Variants in DDX60L observed in about 807,000 individuals in gnomAD.
The protein encoded by DDX60L is probable ATP-dependent RNA helicase DDX60-like.
Under a neutral mutation model 211.6 loss-of-function variants are expected in DDX60L, and 191 were observed. The observed-to-expected ratio is 0.90, with a 90% CI of 0.80 to 1.02. The LOEUF is 1.02. Ranked by LOEUF, DDX60L falls within the 50% of genes least tolerant of loss-of-function variation. The probability of loss-of-function intolerance (pLI) is 0.00; values close to 1 mark genes in which losing one functional copy is unlikely to be tolerated. For synonymous variants in DDX60L, 706 were observed against 694.1 expected (o/e 1.02, Z -0.27); for missense variants, 2,007 against 1,984.1 (o/e 1.01, Z -0.22).
chr4:168,413,494 T>C (rs1221469615), intron 22 of DDX60L, among the ~76,000 whole-genome samples: 7 of 151,966 alleles, frequency 4.6e-5, no homozygotes, highest in Admixed American at 3.9e-4. Flanking sequence ...CAATGTGATA[T>C]ATAATATCAA....
Position 168,422,605 on chromosome 4 carries a change from TTG to T in DDX60L, c.2161_2162del (p.Gln721IlefsTer10). On this transcript the variant is annotated frameshift_variant, in exon 16 of 38. Transcript: ENST00000682922. LOFTEE classifies it high-confidence loss of function. ...CTCTTATCAAGTAATGGCCCATGTATTGCAGTTGAAACCGAGCTGGTCCAATG... is the reference window on the plus strand; with the variant it reads ...CTCTTATCAAGTAATGGCCCATGTATCAGTTGAAACCGAGCTGGTCCAATG... ...IDIGPARFQLQYMGHYLIRDE... is the reference protein window; with the variant it reads ...IDIGPARFQLXYMGHYLIRDE... The T allele has an allele frequency of 3.1e-6, 5 of 1,613,768 alleles. No homozygotes were observed. Among genetic ancestry groups the T allele is most frequent in the Non-Finnish European group, 4.2e-6 (5 of 1,179,794 alleles).
Position 168,430,580 on chromosome 4 carries a change from T to C in DDX60L, c.1575A>G (p.Gln525=), listed in dbSNP as rs72978735. 1.3e-5 allele frequency: 20 copies of C among 1,599,656 alleles called. No individual in the cohort carries two copies. Among genetic ancestry groups the C allele is most frequent in the African/African-American group, 5.3e-5 (4 of 74,788 alleles). The change falls in exon 13 of 38, where the codon CAA becomes CAG. Residue 525 remains glutamine (Q), a synonymous_variant. Coordinates refer to ENST00000682922, the MANE Select transcript of DDX60L (RefSeq NM_001012967.3). ...DFLKKIQDYQ[Q]FYGKSLESIS... ...TTGATTCTAACGATTTCCCATAAAA[T>C]TGCTGATAATCCTGAATCTTTTTCA...
rs1438941488 is a variant in DDX60L at position 168,422,659 on chromosome 4, G to A, written c.2109C>T (p.Asp703=). The A allele has an allele frequency of 6.3e-7, 1 of 1,595,472 alleles. No homozygotes were observed. Residue 703 remains aspartate, a synonymous_variant, in exon 16 of 38, where the codon GAC becomes GAT. Transcript: ENST00000682922. The part of the protein sequence containing the change: ...NSLDPTLIGD[D]KNKKKYSIDI... ...CAATCGAATATTTCTTCTTATTTTT[G>A]TCATCTCCTATCTGTTATTTTAATA...
chr4:168,471,606 G>T, intron 4 of DDX60L, 141 bp downstream of exon 4: 1 of 588,726 alleles, frequency 1.7e-6, no homozygotes, highest in East Asian at 3.2e-5. Context: ...GTGAAATTAT[G>T]GGTAATTTTT....
intron 10 of DDX60L, 41 bp from the exon 11 acceptor site, chr4:168,433,156 A>C: frequency 7.9e-7 from 1 of 1,272,666 alleles, no homozygotes; most frequent in Non-Finnish European, 1.1e-6. Flanking sequence ...GAAAGGTGTA[A>C]CTATCCTATA....
intron 9 of DDX60L, among the ~76,000 whole-genome samples, chr4:168,445,901 T>C: frequency 2.2e-5 from 2 of 91,916 alleles, no homozygotes; most frequent in African/African-American, 7.0e-5. Flanking sequence ...GAGCTATCTA[T>C]GACAAACCCA....
chr4:168,411,018 G>C (rs779704967), intron 22 of DDX60L, among the ~76,000 whole-genome samples: 2 of 152,234 alleles, frequency 1.3e-5, no homozygotes, highest in Non-Finnish European at 1.5e-5. Context: ...TTCCTCTCCA[G>C]TTATTAAACT....
intron 4 of DDX60L, among the ~76,000 whole-genome samples, chr4:168,462,780 G>A (rs893983155): frequency 6.6e-6 from 1 of 151,248 alleles, no homozygotes; most frequent in East Asian, 2.0e-4. Context: ...GCCACTGCAC[G>A]CCAGCCTGGG....
At chr4:168,404,132 A>G in intron 24 of DDX60L, 26 bp from the exon 25 acceptor site, 1 of 387,346 alleles carries the variant, frequency 2.6e-6, no homozygotes, top group Non-Finnish European at 3.4e-6. Flanking sequence ...AAAATTATTT[A>G]AAAAAAAAAA....
chr4:168,403,265 A>G (rs1747146136), intron 25 of DDX60L, among the ~76,000 whole-genome samples: 2 of 152,242 alleles, frequency 1.3e-5, no homozygotes, highest in Non-Finnish European at 2.9e-5. Context: ...GTAACAGAAC[A>G]CATGTGGCTT....
rs2130145 is a variant in DDX60L, at chr4:168,420,284, A to G, written c.2491T>C (p.Cys831Arg). 1,598,340 of 1,603,182 alleles carry G rather than the reference A, an allele frequency of 1. 796,871 individuals are homozygous for G. The highest frequency in any genetic ancestry group is 1 in the East Asian group (44,786 of 44,788). The change falls in exon 18 of 38, where the codon TGT (cysteine) becomes CGT (arginine). Residue 831 changes from cysteine (C) to arginine (R), a missense_variant. Physicochemically the swap from Cys to Arg is radical, Grantham distance 180. Transcript: ENST00000682922. ...ACCTGACAGTTTAGTACATTGTGAC[A>G]ATAATCTCTTGTAAAAGCACCGCAT... The part of the protein sequence containing the change: ...TLCGAFTRDY[C>R]HNVLNCQVLI...
At chr4:168,406,167 C>G (rs555592897) in intron 23 of DDX60L, 89 bp from the exon 24 acceptor site, 108 of 1,407,342 alleles carry the variant, frequency 7.7e-5, no homozygotes, top group Non-Finnish European at 1.0e-4. Flanking sequence ...TACTTGTCTC[C>G]TTAACAAAAT....
chr4:168,472,650 A>C, intron 2 of DDX60L, 46 bp downstream of exon 2: 1 of 1,609,266 alleles, frequency 6.2e-7, no homozygotes, highest in East Asian at 2.2e-5. Context: ...AATATCTTAC[A>C]AGATTGTTGC....
chr4:168,456,542 A>T (rs1278568193), intron 6 of DDX60L, among the ~76,000 whole-genome samples: 1 of 152,184 alleles, frequency 6.6e-6, no homozygotes, highest in East Asian at 1.9e-4. Flanking sequence ...CAAAAATTTT[A>T]AAATAATATC....
At chr4:168,453,810 T>C (rs766136781) in intron 7 of DDX60L, among the ~76,000 whole-genome samples, 2 of 152,228 alleles carry the variant, frequency 1.3e-5, no homozygotes, top group African/African-American at 4.8e-5. Flanking sequence ...GGTATCTTCA[T>C]AGAGCAAAAT....
chr4:168,390,160 T>A, intron 29 of DDX60L: 1 of 993,140 alleles, frequency 1.0e-6, no homozygotes, highest in Non-Finnish European at 1.2e-6. Flanking sequence ...CAGGGCAGGA[T>A]AACAAAGTAG....
intron 26 of DDX60L, among the ~76,000 whole-genome samples, chr4:168,399,704 G>A (rs1465995774): frequency 6.6e-6 from 1 of 152,190 alleles, no homozygotes; most frequent in Non-Finnish European, 1.5e-5. Flanking sequence ...AAGTGAGGAT[G>A]GAGAGGATGG....
intron 9 of DDX60L, among the ~76,000 whole-genome samples, chr4:168,445,630 A>G (rs1226131036): frequency 3.9e-5 from 6 of 152,068 alleles, no homozygotes; most frequent in South Asian, 2.1e-4. Flanking sequence ...AAAATCCTCA[A>G]TAAAATACTG....
chr4:168,373,578 G>C, intron 35 of DDX60L, 88 bp downstream of exon 35: 1 of 1,353,540 alleles, frequency 7.4e-7, no homozygotes. Context: ...AGTGTTTTGG[G>C]TTTGAGGTCC....
Sources: allele counts gnomAD v4.1 joint callset (sites outside exome capture counted in the v4.1 genomes callset), GRCh38; gene constraint gnomAD v4.1.1; transcripts MANE v1.5; gene names NCBI Gene and HGNC (gene_info 2026-07-23, HGNC 2026-07-21).